Variants in GRM1 observed in about 807,000 individuals in gnomAD.
GRM1 encodes the protein glutamate metabotropic receptor 1, also known as metabotropic glutamate receptor 1.
Under a neutral mutation model 90.9 loss-of-function variants are expected in GRM1, and 33 were observed. That is an observed-to-expected ratio of 0.36 (90% CI 0.28 to 0.49). GRM1 has a LOEUF of 0.49. Ranked by LOEUF, GRM1 falls within the 20% of genes least tolerant of loss-of-function variation. The probability of loss-of-function intolerance (pLI) is 0.99; values close to 1 mark genes in which losing one functional copy is unlikely to be tolerated. For missense variants in GRM1, 1,190 were observed against 1,534.3 expected (o/e 0.78, Z 3.75); for synonymous variants, 700 against 613.2 (o/e 1.14, Z -2.09).
intron 7 of GRM1, among the ~76,000 whole-genome samples, chr6:146,402,256 C>A (rs947218205): frequency 2.0e-5 from 3 of 152,160 alleles, no homozygotes; most frequent in Admixed American, 1.3e-4. Context: ...ATGCACCAAG[C>A]AAATGAGCTG....
intron 2 of GRM1, among the ~76,000 whole-genome samples, chr6:146,209,953 G>A (rs1421898552): frequency 6.6e-6 from 1 of 152,026 alleles, no homozygotes; most frequent in Non-Finnish European, 1.5e-5. Flanking sequence ...TTAACAGAAA[G>A]GAATCTCAAA....
chr6:146,295,723 G>A (rs536243217), intron 2 of GRM1, among the ~76,000 whole-genome samples: 1 of 152,220 alleles, frequency 6.6e-6, no homozygotes, highest in East Asian at 1.9e-4. Context: ...ATCTTAGTGG[G>A]CATATTTTCT....
intron 1 of GRM1, among the ~76,000 whole-genome samples, chr6:146,139,618 A>G (rs1259054771): frequency 1.3e-5 from 2 of 152,088 alleles, no homozygotes; most frequent in Non-Finnish European, 2.9e-5. Flanking sequence ...TGTCCAATAT[A>G]TCTATTTCTG....
chr6:146,435,381 C>T lies in GRM1; in HGVS notation c.*585C>T, dbSNP rs1412603983. ...CTCCCCGCTGGGCTGACAGACTCCT[C>T]ATCTTCAGGAGACTCAGGAATGGAG... On this transcript the variant is annotated 3_prime_UTR_variant, in exon 8 of 8. Coordinates refer to ENST00000282753, the MANE Select transcript of GRM1 (RefSeq NM_001278064.2). 3 of 184,578 alleles carry T rather than the reference C, an allele frequency of 1.6e-5. No homozygotes were observed. The highest frequency in any genetic ancestry group is 5.3e-5 in the Admixed American group (1 of 18,746). 11.4% of individuals were successfully genotyped at this position (184,578 alleles called of 1,614,324 possible).
intron 4 of GRM1, among the ~76,000 whole-genome samples, chr6:146,354,008 T>C (rs557753704): frequency 1.2e-4 from 18 of 152,320 alleles, no homozygotes; most frequent in African/African-American, 4.1e-4. Flanking sequence ...TGTATCTGTT[T>C]GTGTCAGCTT....
chr6:146,235,780 T>G (rs1780627373), intron 2 of GRM1, among the ~76,000 whole-genome samples: 1 of 151,416 alleles, frequency 6.6e-6, no homozygotes, highest in Admixed American at 6.6e-5. Context: ...ACTTGATTTC[T>G]TCCTTATAGT....
At chr6:146,225,443 C>T (rs2114688018) in intron 2 of GRM1, among the ~76,000 whole-genome samples, 1 of 152,200 alleles carries the variant, frequency 6.6e-6, no homozygotes, top group East Asian at 1.9e-4. Flanking sequence ...TATCAAACTC[C>T]TGATATGAAG....
At chr6:146,199,669 G>A (rs1484235036) in intron 2 of GRM1, among the ~76,000 whole-genome samples, 1 of 150,192 alleles carries the variant, frequency 6.7e-6, no homozygotes, top group Non-Finnish European at 1.5e-5. Context: ...CCCTGAAGTG[G>A]GTATGACTGC....
intron 2 of GRM1, among the ~76,000 whole-genome samples, chr6:146,185,640 G>A (rs918165484): frequency 6.6e-6 from 1 of 152,196 alleles, no homozygotes; most frequent in Non-Finnish European, 1.5e-5. Flanking sequence ...TTTCAGTCCA[G>A]ATTGGTGATT....
At chr6:146,088,556 T>C (rs1294688993) in intron 1 of GRM1, among the ~76,000 whole-genome samples, 3 of 152,106 alleles carry the variant, frequency 2.0e-5, no homozygotes, top group African/African-American at 4.8e-5. Flanking sequence ...AAGATGCTAA[T>C]GGAAATTCCT....
At chr6:146,227,058 A>G (rs1470437984) in intron 2 of GRM1, among the ~76,000 whole-genome samples, 4 of 152,166 alleles carry the variant, frequency 2.6e-5, no homozygotes, top group African/African-American at 7.2e-5. Flanking sequence ...TAATTTTATT[A>G]TATCATTTCA....
At chr6:146,054,903 A>G (rs199815526) in intron 1 of GRM1, among the ~76,000 whole-genome samples, 4 of 151,714 alleles carry the variant, frequency 2.6e-5, no homozygotes, top group Non-Finnish European at 5.9e-5. Flanking sequence ...CTTATCTGCT[A>G]TGGCAGGGAA....
intron 3 of GRM1, among the ~76,000 whole-genome samples, chr6:146,328,520 T>C (rs1245608084): frequency 6.6e-6 from 1 of 152,190 alleles, no homozygotes; most frequent in African/African-American, 2.4e-5. Context: ...CAAAGTGAAA[T>C]AAATTATGTG....
At chr6:146,318,255 C>T (rs1784046359) in intron 3 of GRM1, among the ~76,000 whole-genome samples, 1 of 151,984 alleles carries the variant, frequency 6.6e-6, no homozygotes, top group Non-Finnish European at 1.5e-5. Context: ...GCAGTGTTTG[C>T]TTTTCTATTC....
At chr6:146,164,360 G>A (rs1482332900) in intron 2 of GRM1, among the ~76,000 whole-genome samples, 2 of 152,126 alleles carry the variant, frequency 1.3e-5, no homozygotes, top group Non-Finnish European at 2.9e-5. Context: ...CTCCTCAACT[G>A]TAGGAACCAA....
intron 3 of GRM1, among the ~76,000 whole-genome samples, chr6:146,312,875 A>G (rs994137034): frequency 2.0e-5 from 3 of 152,218 alleles, no homozygotes; most frequent in Admixed American, 6.5e-5. Context: ...TGCCCAACAT[A>G]GGGTGGACTG....
chr6:146,353,792 G>A (rs1018367438), intron 4 of GRM1, among the ~76,000 whole-genome samples: 1 of 152,156 alleles, frequency 6.6e-6, no homozygotes, highest in Non-Finnish European at 1.5e-5. Flanking sequence ...ACCACACCTG[G>A]TTACTTTTTT....
chr6:146,434,703 C>G lies in GRM1; in HGVS notation c.3492C>G (p.Ser1164=), dbSNP rs1378417444. The G allele has an allele frequency of 6.2e-7, 1 of 1,604,248 alleles. No individual in the cohort carries two copies. Among genetic ancestry groups the G allele is most frequent in the South Asian group, 1.1e-5 (1 of 91,086 alleles). ...SVASGSSVPS[S]PVSESVLCTP... The stretch of plus-strand genomic sequence containing the variant: ...CCTCGGGCAGCTCGGTGCCCAGCTC[C>G]CCCGTGTCCGAGTCGGTGCTCTGCA... Residue 1164 remains serine, a synonymous_variant, in exon 8 of 8, where the codon TCC becomes TCG. Coordinates refer to ENST00000282753, the MANE Select transcript of GRM1 (RefSeq NM_001278064.2).
At chr6:146,197,656 G>C (rs983474316) in intron 2 of GRM1, among the ~76,000 whole-genome samples, 1 of 152,208 alleles carries the variant, frequency 6.6e-6, no homozygotes. Flanking sequence ...AATTATAGGA[G>C]AAAAGTCTAG....
Sources: gnomAD v4.1 joint callset for allele counts (sites outside exome capture counted in the v4.1 genomes callset) on GRCh38, gnomAD v4.1.1 for gene constraint, MANE v1.5 for transcripts, NCBI Gene and HGNC (gene_info 2026-07-23, HGNC 2026-07-21) for gene names.